The following KCNIP4 variants were observed in gnomAD, a reference collection of about 807,000 sequenced individuals.
KCNIP4 encodes Kv channel-interacting protein 4.
A neutral mutation model predicts 34.0 loss-of-function variants in KCNIP4; 12 were observed. The observed-to-expected ratio is 0.35, with a 90% CI of 0.23 to 0.57. The LOEUF is 0.57. Among genes scored for constraint, KCNIP4 ranks in the 20% least tolerant of loss-of-function variants. KCNIP4 has a pLI of 0.83. For missense variants in KCNIP4, 238 were observed against 311.7 expected (o/e 0.76, Z 1.78); for synonymous variants, 124 against 102.2 (o/e 1.21, Z -1.29).
intron 1 of KCNIP4, among the ~76,000 whole-genome samples, chr4:21,859,613 G>C (rs1315050005): frequency 7.1e-6 from 1 of 141,522 alleles, no homozygotes; most frequent in Non-Finnish European, 1.5e-5. Context: ...GGGCGACAGA[G>C]CAAGACTCCA....
At chr4:21,083,714 G>C (rs1746193474) in intron 1 of KCNIP4, among the ~76,000 whole-genome samples, 2 of 151,884 alleles carry the variant, frequency 1.3e-5, no homozygotes, top group Admixed American at 6.6e-5. Flanking sequence ...CTTTAATTCT[G>C]GCTTCTGGCC....
intron 1 of KCNIP4, among the ~76,000 whole-genome samples, chr4:21,784,596 T>C (rs575830194): frequency 6.6e-6 from 1 of 152,090 alleles, no homozygotes; most frequent in African/African-American, 2.4e-5. Flanking sequence ...CATATTTTTA[T>C]CTGAAAAAAT....
At chr4:21,148,580 G>A (rs1292369839) in intron 1 of KCNIP4, among the ~76,000 whole-genome samples, 1 of 151,666 alleles carries the variant, frequency 6.6e-6, no homozygotes, top group Non-Finnish European at 1.5e-5. Flanking sequence ...TATAAGAAGT[G>A]AAATTCCACT....
chr4:20,745,931 C>T (rs1440708626), intron 5 of KCNIP4, among the ~76,000 whole-genome samples: 2 of 152,100 alleles, frequency 1.3e-5, no homozygotes, highest in Admixed American at 6.6e-5. Context: ...ATTCCCCCAA[C>T]TAGTGTAAAT....
chr4:20,760,354 G>A (rs1560444657), intron 3 of KCNIP4, among the ~76,000 whole-genome samples: 1 of 152,124 alleles, frequency 6.6e-6, no homozygotes, highest in East Asian at 1.9e-4. Context: ...ATTTGATACT[G>A]TTTCCAGCAT....
intron 3 of KCNIP4, among the ~76,000 whole-genome samples, chr4:20,798,977 C>T (rs894435887): frequency 1.1e-4 from 17 of 152,212 alleles, no homozygotes; most frequent in African/African-American, 4.1e-4. Flanking sequence ...CTGCACTACA[C>T]CATTTTGGAA....
chr4:20,827,397 G>A (rs116296174), intron 3 of KCNIP4, among the ~76,000 whole-genome samples: 18 of 152,210 alleles, frequency 1.2e-4, no homozygotes, highest in Non-Finnish European at 1.6e-4. Context: ...GGGAATGCAC[G>A]TCTCTCTGGG....
intron 1 of KCNIP4, among the ~76,000 whole-genome samples, chr4:21,783,661 C>G (rs549688773): frequency 5.5e-4 from 83 of 152,232 alleles, no homozygotes; most frequent in African/African-American, 1.9e-3. Flanking sequence ...CATGAATCTT[C>G]TGAAGTCAGT....
intron 1 of KCNIP4, among the ~76,000 whole-genome samples, chr4:21,747,349 C>A (rs1405011105): frequency 1.3e-5 from 2 of 152,124 alleles, no homozygotes; most frequent in South Asian, 2.1e-4. Context: ...TCCACTTTAT[C>A]TGCTGAAAGG....
intron 1 of KCNIP4, among the ~76,000 whole-genome samples, chr4:21,776,363 T>A (rs1719181171): frequency 6.6e-6 from 1 of 152,188 alleles, no homozygotes; most frequent in Non-Finnish European, 1.5e-5. Flanking sequence ...CTCCGAACGT[T>A]GCTGTTTCTA....
At chr4:21,785,397 C>A (rs956410690) in intron 1 of KCNIP4, among the ~76,000 whole-genome samples, 1 of 151,882 alleles carries the variant, frequency 6.6e-6, no homozygotes, top group Non-Finnish European at 1.5e-5. Flanking sequence ...TTGAGACCAG[C>A]CTGGTCAACA....
At chr4:21,671,662 C>A (rs540841898) in intron 1 of KCNIP4, among the ~76,000 whole-genome samples, 33 of 152,208 alleles carry the variant, frequency 2.2e-4, no homozygotes, top group Non-Finnish European at 3.7e-4. Context: ...TGATGGAGCC[C>A]CTATTCTGAG....
At chr4:21,827,779 T>C (rs1722758189) in intron 1 of KCNIP4, among the ~76,000 whole-genome samples, 1 of 152,026 alleles carries the variant, frequency 6.6e-6, no homozygotes, top group African/African-American at 2.4e-5. Context: ...GAACCTCCCA[T>C]GAATTTACAA....
intron 1 of KCNIP4, among the ~76,000 whole-genome samples, chr4:21,551,399 A>G (rs1002211243): frequency 1.4e-4 from 22 of 152,254 alleles, no homozygotes; most frequent in African/African-American, 5.1e-4. Context: ...CCAAATCTAT[A>G]GCCAGTCTCA....
intron 1 of KCNIP4, among the ~76,000 whole-genome samples, chr4:21,497,156 C>G (rs1269795817): frequency 1.3e-5 from 2 of 152,148 alleles, no homozygotes; most frequent in African/African-American, 4.8e-5. Context: ...CAATGGGACA[C>G]TATTCACATG....
chr4:21,711,106 T>G (rs545145591), intron 1 of KCNIP4, among the ~76,000 whole-genome samples: 1 of 152,324 alleles, frequency 6.6e-6, no homozygotes, highest in East Asian at 1.9e-4. Flanking sequence ...TAAAGCTACA[T>G]TCTCTATGGG....
intron 2 of KCNIP4, among the ~76,000 whole-genome samples, chr4:20,854,740 T>C (rs1721391926): frequency 6.6e-6 from 1 of 152,178 alleles, no homozygotes. Flanking sequence ...TATTAGGTGC[T>C]GACAAGGGTA....
At chr4:21,890,648 T>C (rs1359309178) in intron 1 of KCNIP4, among the ~76,000 whole-genome samples, 1 of 152,158 alleles carries the variant, frequency 6.6e-6, no homozygotes, top group Non-Finnish European at 1.5e-5. Flanking sequence ...ATGATACCAC[T>C]TACTCAGCAC....
Position 20,884,452 on chromosome 4 carries a change from T to G in KCNIP4, c.62-1743A>C, listed in dbSNP as rs1725058345. Among the ~76,000 whole-genome samples, 3 of 152,034 alleles carry G rather than the reference T, an allele frequency of 2.0e-5. No homozygotes were observed. The South Asian group carries it at 6.2e-4, about 32-fold the overall frequency. On this transcript the variant is annotated intron_variant, in intron 1 of 8. Coordinates refer to ENST00000382152, the MANE Select transcript of KCNIP4 (RefSeq NM_025221.6). ...TGTGATGTTCCCCTTCTTTTAAACT[T>G]GCAAAATAAATCTGGTTTACATAAA...
Sources: gnomAD v4.1 joint callset for allele counts (sites outside exome capture counted in the v4.1 genomes callset) on GRCh38, gnomAD v4.1.1 for gene constraint, MANE v1.5 for transcripts, NCBI Gene and HGNC (gene_info 2026-07-23, HGNC 2026-07-21) for gene names.